Variants in MEI1 observed in about 807,000 individuals in gnomAD.
MEI1 encodes the protein meiotic double-stranded break formation protein 1.
A neutral mutation model predicts 146.2 loss-of-function variants in MEI1; 103 were observed. The observed-to-expected ratio is 0.70, with a 90% confidence interval of 0.60 to 0.83. MEI1 has a LOEUF of 0.83. Among genes scored for constraint, MEI1 ranks in the 40% least tolerant of loss-of-function variants. MEI1 has a pLI of 0.00. For missense variants in MEI1, 1,529 were observed against 1,533.0 expected, an observed-to-expected ratio of 1.00 and a Z score of 0.04; for synonymous variants, 652 against 628.2, an observed-to-expected ratio of 1.04 and a Z score of -0.57.
intron 16 of MEI1, 138 bp from the exon 17 acceptor site, chr22:41,753,808 ACCT>A (rs1426031376): frequency 1.5e-6 from 1 of 656,350 alleles, no homozygotes; most frequent in Non-Finnish European, 2.7e-6. Flanking sequence ...CCACCTTAAG[ACCT>A]CCTCTGCCAC....
intron 26 of MEI1, among the ~76,000 whole-genome samples, chr22:41,793,032 C>CTTTT (rs869223251): frequency 0.02 from 972 of 48,444 alleles, 170 homozygotes; most frequent in South Asian, 0.048. Context: ...ACAAAGCATT[C>CTTTT]TTTTTTTTTT....
chr22:41,738,750 G>A (rs1386628071), intron 11 of MEI1, among the ~76,000 whole-genome samples: 1 of 150,068 alleles, frequency 6.7e-6, no homozygotes, highest in Non-Finnish European at 1.5e-5. Flanking sequence ...ACAGCTTGGT[G>A]ACAGAGCAAG....
At chr22:41,782,721 A>G (rs1413723770) in intron 24 of MEI1, among the ~76,000 whole-genome samples, 1 of 152,236 alleles carries the variant, frequency 6.6e-6, no homozygotes, top group African/African-American at 2.4e-5. Context: ...TGGTTGGTTT[A>G]GGACAGAAAC....
At chr22:41,702,995 G>A (rs1190987272) in intron 1 of MEI1, among the ~76,000 whole-genome samples, 2 of 152,216 alleles carry the variant, frequency 1.3e-5, no homozygotes, top group African/African-American at 2.4e-5. Flanking sequence ...TGGAATTACA[G>A]GTGTGAATCA....
At chr22:41,752,566 C>G in intron 15 of MEI1, 25 bp from the exon 16 acceptor site, 1 of 1,580,168 alleles carries the variant, frequency 6.3e-7, no homozygotes, top group Non-Finnish European at 8.6e-7. Flanking sequence ...AAACTGCTCT[C>G]TGCTTTATTC....
At chr22:41,708,533 G>A (rs992528854) in intron 3 of MEI1, among the ~76,000 whole-genome samples, 4 of 151,964 alleles carry the variant, frequency 2.6e-5, no homozygotes, top group African/African-American at 7.3e-5. Context: ...TCAAACTCCC[G>A]TCTTCAGTGG....
intron 3 of MEI1, among the ~76,000 whole-genome samples, chr22:41,712,199 CG>C: frequency 7.1e-4 from 1 of 1,402 alleles, no homozygotes; most frequent in Non-Finnish European, 1.4e-3. Context: ...AGTAAAACTC[CG>C]GCTCAAAAAA....
At chr22:41,702,570 C>T (rs1359799876) in intron 1 of MEI1, among the ~76,000 whole-genome samples, 2 of 151,950 alleles carry the variant, frequency 1.3e-5, no homozygotes, top group African/African-American at 4.8e-5. Flanking sequence ...CTCAGCCTCC[C>T]AATTAGCTGG....
At chr22:41,772,494 A>G (rs1489698131) in intron 20 of MEI1, among the ~76,000 whole-genome samples, 1 of 151,988 alleles carries the variant, frequency 6.6e-6, no homozygotes, top group African/African-American at 2.4e-5. Flanking sequence ...GCTAATTTTT[A>G]TATTTTTTGT....
chr22:41,745,720 A>T (rs754832263), intron 13 of MEI1, among the ~76,000 whole-genome samples, 165 bp from the exon 14 acceptor site: 3 of 152,120 alleles, frequency 2.0e-5, no homozygotes, highest in Non-Finnish European at 4.4e-5. Flanking sequence ...GCCAGGGATC[A>T]AGTCCTCTCC....
chr22:41,787,038 G>T (rs1214820803), intron 26 of MEI1, among the ~76,000 whole-genome samples: 1 of 152,160 alleles, frequency 6.6e-6, no homozygotes, highest in African/African-American at 2.4e-5. Context: ...GCTCTTTAGG[G>T]ATCAAACATC....
intron 3 of MEI1, 91 bp downstream of exon 3, chr22:41,705,645 G>A: frequency 9.4e-7 from 1 of 1,063,264 alleles, no homozygotes; most frequent in Non-Finnish European, 1.5e-6. Context: ...GAAATTGTCT[G>A]TTTAGACACA....
chr22:41,700,236 G>A (rs984218160), intron 1 of MEI1, among the ~76,000 whole-genome samples: 1 of 152,228 alleles, frequency 6.6e-6, no homozygotes, highest in Non-Finnish European at 1.5e-5. Context: ...GGTTACAGCC[G>A]GGCAGAAGTG....
chr22:41,749,880 G>A (rs2073628480), intron 15 of MEI1, among the ~76,000 whole-genome samples: 1 of 151,958 alleles, frequency 6.6e-6, no homozygotes, highest in Non-Finnish European at 1.5e-5. Flanking sequence ...AAGGCTCACT[G>A]GGGGAGGATC....
chr22:41,768,153 G>A (rs991489423), intron 19 of MEI1, among the ~76,000 whole-genome samples: 1 of 152,106 alleles, frequency 6.6e-6, no homozygotes, highest in Non-Finnish European at 1.5e-5. Context: ...AGGCCGAGGC[G>A]GGCGGATTGA....
At chr22:41,796,542 T>G (rs1380519760) in intron 30 of MEI1, among the ~76,000 whole-genome samples, 1 of 152,154 alleles carries the variant, frequency 6.6e-6, no homozygotes, top group Non-Finnish European at 1.5e-5. Context: ...TTAAGGTACT[T>G]GTAGTACAGG....
In MEI1 at chr22:41,776,205, G is replaced by A. The variant is rs370759463; in HGVS notation, c.2648G>A (p.Arg883Gln). 2.9e-5 allele frequency: 46 copies of A among 1,613,840 alleles called. No individual in the cohort carries two copies. Among genetic ancestry groups the A allele is most frequent in the African/African-American group, 5.3e-5 (4 of 74,920 alleles). Residue 883 changes from arginine to glutamine, a missense_variant, in exon 21 of 31, where the codon CGA becomes CAA. Coordinates refer to ENST00000401548, the MANE Select transcript of MEI1 (RefSeq NM_152513.4). Reference sequence around the variant, plus strand: ...GATATCCAAGTGGGCGGTCTTATCCGAGGCCACTTCCTGCTGATCCTGCAG... The same window carrying A: ...GATATCCAAGTGGGCGGTCTTATCCAAGGCCACTTCCTGCTGATCCTGCAG... ...NEDIQVGGLIRGHFLLILQRL... is the reference protein window; with the variant it reads ...NEDIQVGGLIQGHFLLILQRL...
At chr22:41,725,384 T>A (rs1444879346) in intron 7 of MEI1, among the ~76,000 whole-genome samples, 1 of 152,106 alleles carries the variant, frequency 6.6e-6, no homozygotes. Context: ...AATGCTGGGA[T>A]TACAGGCATG....
intron 1 of MEI1, among the ~76,000 whole-genome samples, chr22:41,702,690 C>G (rs1424620197): frequency 6.6e-6 from 1 of 152,142 alleles, no homozygotes; most frequent in Non-Finnish European, 1.5e-5. Flanking sequence ...GGTGATCTGC[C>G]TGCTTCGGCC....
Sources: allele counts gnomAD v4.1 joint callset (sites outside exome capture counted in the v4.1 genomes callset), GRCh38; gene constraint gnomAD v4.1.1; transcripts MANE v1.5; gene names NCBI Gene and HGNC (gene_info 2026-07-23, HGNC 2026-07-21).